Variants in PARVB observed in about 807,000 individuals in gnomAD.
The protein encoded by PARVB is beta-parvin.
A neutral mutation model predicts 47.0 loss-of-function variants in PARVB; 46 were observed. The observed-to-expected ratio is 0.98, with a 90% CI of 0.77 to 1.25. PARVB has a LOEUF of 1.25. Among genes scored for constraint, PARVB ranks in the 50% most tolerant of loss-of-function variants. The pLI is 0.00. For missense variants in PARVB, 473 were observed against 471.6 expected, an observed-to-expected ratio of 1.00 and a Z score of -0.03; for synonymous variants, 196 against 196.3, an observed-to-expected ratio of 1.00 and a Z score of 0.01.
At chr22:44,132,745 A>C (rs2053355612) in intron 5 of PARVB, 149 bp from the exon 6 acceptor site, 1 of 576,464 alleles carries the variant, frequency 1.7e-6, no homozygotes, top group Admixed American at 3.3e-5. Flanking sequence ...CAGGTTGCTC[A>C]TCAGCTCTCT....
chr22:44,093,132 G>A (rs1190360662), intron 1 of PARVB, among the ~76,000 whole-genome samples: 1 of 152,204 alleles, frequency 6.6e-6, no homozygotes, highest in East Asian at 1.9e-4. Context: ...TGTGACTGTG[G>A]AGAAAGCGTG....
chr22:44,035,776 C>A (rs1329854218), intron 1 of PARVB, among the ~76,000 whole-genome samples: 1 of 151,450 alleles, frequency 6.6e-6, no homozygotes, highest in Non-Finnish European at 1.5e-5. Flanking sequence ...ATGAAAAATA[C>A]GTGGGAACCC....
chr22:44,028,182 G>A (rs2050764108), intron 1 of PARVB, among the ~76,000 whole-genome samples: 1 of 151,996 alleles, frequency 6.6e-6, no homozygotes, highest in South Asian at 2.1e-4. Flanking sequence ...GCTCTGGATG[G>A]ATGTAGAGTG....
At chr22:44,107,251 C>T (rs1304827169) in intron 3 of PARVB, 1 of 152,252 alleles carries the variant, frequency 6.6e-6, no homozygotes, top group Admixed American at 6.5e-5. Context: ...CAGCAGTGAC[C>T]TGAATTACTT....
intron 11 of PARVB, among the ~76,000 whole-genome samples, chr22:44,161,295 T>C (rs1387439033): frequency 1.4e-5 from 2 of 147,052 alleles, no homozygotes; most frequent in Admixed American, 1.4e-4. Flanking sequence ...GCCCCGTGCC[T>C]TGTTTTTCTT....
intron 1 of PARVB, among the ~76,000 whole-genome samples, chr22:44,045,065 C>G (rs1163433498): frequency 1.3e-5 from 2 of 151,946 alleles, no homozygotes; most frequent in Non-Finnish European, 2.9e-5. Context: ...ATAGCAAGAC[C>G]CCATCTCTAC....
intron 8 of PARVB, chr22:44,147,547 C>T (rs537124004): frequency 8.0e-5 from 37 of 459,750 alleles, no homozygotes; most frequent in East Asian, 6.5e-4. Flanking sequence ...AGTCCTAGGA[C>T]GTGGCAGGTG....
At chr22:44,009,038 A>T (rs2050496469) in intron 2 of PARVB, among the ~76,000 whole-genome samples, 1 of 152,226 alleles carries the variant, frequency 6.6e-6, no homozygotes, top group Non-Finnish European at 1.5e-5. Flanking sequence ...TTAAAAGCTC[A>T]TTATAGTATT....
intron 1 of PARVB, among the ~76,000 whole-genome samples, chr22:44,086,292 T>C (rs1471014834): frequency 2.6e-5 from 4 of 152,260 alleles, no homozygotes; most frequent in Non-Finnish European, 4.4e-5. Context: ...CTTTCTTGTA[T>C]GTTGTGCTCC....
intron 2 of PARVB, among the ~76,000 whole-genome samples, chr22:44,018,585 C>T (rs953563839): frequency 6.6e-6 from 1 of 152,182 alleles, no homozygotes; most frequent in Non-Finnish European, 1.5e-5. Flanking sequence ...GTTCATTCCT[C>T]TTTGTCCCCC....
At chr22:43,999,853 A>AAAC (rs1249879915) in intron 2 of PARVB, among the ~76,000 whole-genome samples, 7 of 150,216 alleles carry the variant, frequency 4.7e-5, no homozygotes, top group African/African-American at 1.7e-4. Flanking sequence ...AAAAAAAAAA[A>AAAC]AAAAACAGCT....
chr22:44,046,989 C>G (rs184539244), intron 1 of PARVB, among the ~76,000 whole-genome samples: 3 of 152,216 alleles, frequency 2.0e-5, no homozygotes, highest in East Asian at 1.9e-4. Flanking sequence ...GCCCGGGGGC[C>G]GTAGCTACAG....
At position 44,024,458 on chromosome 22, in the gene PARVB, G is replaced by A; in HGVS notation, c.112+7G>A. ...AAGCGGAGGGCGCGCGAGGGTGAGTGCGCGCCCGCGCCCGCCGACCCCCGG... is the reference window on the plus strand; with the variant it reads ...AAGCGGAGGGCGCGCGAGGGTGAGTACGCGCCCGCGCCCGCCGACCCCCGG... On this transcript the variant is annotated splice_region_variant and intron_variant, in intron 1 of 12. Transcript: ENST00000338758. 1 of 1,150,138 alleles carries A rather than the reference G, an allele frequency of 8.7e-7. No individual in the cohort carries two copies. The highest frequency in any genetic ancestry group is 1.1e-6 in the Non-Finnish European group (1 of 934,260). 71.2% of individuals were successfully genotyped at this position (1,150,138 alleles called of 1,614,324 possible). A position where few individuals can be genotyped will look rare whatever the true frequency, so the allele number is the denominator to read the frequency against.
chr22:44,098,827 T>G (rs1287444211), intron 2 of PARVB, among the ~76,000 whole-genome samples: 1 of 152,088 alleles, frequency 6.6e-6, no homozygotes, highest in African/African-American at 2.4e-5. Flanking sequence ...TATTTTATTT[T>G]ATTTTATTAT....
At chr22:44,073,279 C>G (rs959095178) in intron 1 of PARVB, among the ~76,000 whole-genome samples, 17 of 152,148 alleles carry the variant, frequency 1.1e-4, no homozygotes, top group Non-Finnish European at 1.9e-4. Flanking sequence ...CACCGGAGGT[C>G]AGGGGTTCGA....
intron 2 of PARVB, among the ~76,000 whole-genome samples, chr22:44,017,984 C>T (rs765804304): frequency 1.3e-5 from 2 of 152,088 alleles, no homozygotes; most frequent in Non-Finnish European, 2.9e-5. Context: ...AGGGTCTGTC[C>T]CATGCACCAG....
intron 10 of PARVB, among the ~76,000 whole-genome samples, chr22:44,157,704 C>T (rs1360013726): frequency 6.6e-6 from 1 of 152,044 alleles, no homozygotes; most frequent in Non-Finnish European, 1.5e-5. Flanking sequence ...CATGGTGAAA[C>T]CCTGTCTCTA....
intron 3 of PARVB, among the ~76,000 whole-genome samples, chr22:44,102,525 T>G (rs890896413): frequency 2.0e-5 from 3 of 152,180 alleles, no homozygotes; most frequent in Non-Finnish European, 4.4e-5. Context: ...TCATTCTTGC[T>G]TCCATGTGGA....
chr22:44,172,711 A>C lies in PARVB; in HGVS notation c.*4033A>C, dbSNP rs758839712. ...TGTGCCAGTATTTTACTGTCTTCTTAATTGTTTTAAGCAATGTTTACTTTG... is the reference window on the plus strand; with the variant it reads ...TGTGCCAGTATTTTACTGTCTTCTTCATTGTTTTAAGCAATGTTTACTTTG... On this transcript the variant is annotated 3_prime_UTR_variant, in exon 13 of 13. Coordinates refer to ENST00000338758, the MANE Select transcript of PARVB (RefSeq NM_013327.5). 5 of 288,788 alleles carry C rather than the reference A, an allele frequency of 1.7e-5. No homozygotes were observed. Among genetic ancestry groups the C allele is most frequent in the Non-Finnish European group, 3.4e-5 (5 of 147,058 alleles). 17.9% of individuals were successfully genotyped at this position (288,788 alleles called of 1,614,324 possible).
Sources: allele counts gnomAD v4.1 joint callset (sites outside exome capture counted in the v4.1 genomes callset), GRCh38; gene constraint gnomAD v4.1.1; transcripts MANE v1.5; gene names NCBI Gene and HGNC (gene_info 2026-07-23, HGNC 2026-07-21).